The following FMNL2 variants were observed in gnomAD, a reference collection of about 807,000 sequenced individuals.
The protein encoded by FMNL2 is formin like 2, also known as formin-like protein 2.
Under a neutral mutation model 130.2 loss-of-function variants are expected in FMNL2, and 51 were observed. That is an observed-to-expected ratio of 0.39 (90% CI 0.31 to 0.49). The LOEUF (loss-of-function observed/expected upper bound fraction) is 0.49, where lower values mean the gene tolerates loss of function less well. Ranked by LOEUF, FMNL2 falls within the 20% of genes least tolerant of loss-of-function variation. FMNL2 has a pLI of 0.85. For synonymous variants in FMNL2, 465 were observed against 467.1 expected (o/e 1.00, Z 0.06); for missense variants, 977 against 1,316.2 (o/e 0.74, Z 3.99).
At chr2:152,646,750 AG>A (rs1424959917) in intron 25 of FMNL2, among the ~76,000 whole-genome samples, 8 of 152,204 alleles carry the variant, frequency 5.3e-5, no homozygotes, top group East Asian at 1.9e-4. Flanking sequence ...TTCTAGCAGA[AG>A]TCAACAATAC....
intron 2 of FMNL2, 102 bp downstream of exon 2, chr2:152,522,128 T>G: frequency 1.0e-6 from 1 of 960,288 alleles, no homozygotes; most frequent in Non-Finnish European, 1.6e-6. Flanking sequence ...AACAAGATAT[T>G]TGCTTCTGCG....
At chr2:152,369,150 G>A (rs1400945371) in intron 1 of FMNL2, among the ~76,000 whole-genome samples, 4 of 152,222 alleles carry the variant, frequency 2.6e-5, no homozygotes, top group African/African-American at 4.8e-5. Flanking sequence ...TTTAAAGGAA[G>A]AATGTTTGTG....
At chr2:152,453,523 T>G (rs1003537665) in intron 1 of FMNL2, among the ~76,000 whole-genome samples, 1 of 152,194 alleles carries the variant, frequency 6.6e-6, no homozygotes, top group Non-Finnish European at 1.5e-5. Flanking sequence ...CTTCCTCCCC[T>G]GCTGCCCAGC....
intron 1 of FMNL2, chr2:152,390,404 C>T: frequency 9.2e-7 from 1 of 1,084,048 alleles, no homozygotes; most frequent in Non-Finnish European, 1.4e-6. Flanking sequence ...AGTGGTGGAG[C>T]TGCTTGGTGT....
Position 152,648,020 on chromosome 2 carries a change from C to A in FMNL2, c.*115C>A. 1.1e-6 allele frequency: 1 copy of A among 919,000 alleles called. No homozygotes were observed. The highest frequency in any genetic ancestry group is 1.6e-6 in the Non-Finnish European group (1 of 612,144). The allele number at this position is 919,000 out of a possible 1,614,324, so 56.9% of individuals were successfully genotyped here. On this transcript the variant is annotated 3_prime_UTR_variant, in exon 26 of 26. Transcript: ENST00000288670. ...ACACACACAAAAATATTCTTAAGGG[C>A]TCAGATTTAGCAAACACGGAAGAAT...
At chr2:152,338,834 C>T (rs6712716) in intron 1 of FMNL2, among the ~76,000 whole-genome samples, 3 of 150,198 alleles carry the variant, frequency 2.0e-5, no homozygotes, top group Non-Finnish European at 3.0e-5. Flanking sequence ...CACACACACA[C>T]ACACACACAC....
chr2:152,632,682 A>AT (rs544000809), intron 21 of FMNL2, among the ~76,000 whole-genome samples: 3 of 152,258 alleles, frequency 2.0e-5, no homozygotes, highest in Middle Eastern at 3.4e-3. Context: ...GAAAATTGAG[A>AT]TTTTTCGAGG....
At chr2:152,540,411 G>A (rs192229425) in intron 2 of FMNL2, among the ~76,000 whole-genome samples, 4 of 152,168 alleles carry the variant, frequency 2.6e-5, no homozygotes, top group East Asian at 1.9e-4. Flanking sequence ...AATTGCTCTC[G>A]AGATAGAACA....
At chr2:152,425,378 T>G (rs1470127960) in intron 1 of FMNL2, among the ~76,000 whole-genome samples, 1 of 152,226 alleles carries the variant, frequency 6.6e-6, no homozygotes, top group Non-Finnish European at 1.5e-5. Flanking sequence ...TGATTAATCC[T>G]AAATTGGACT....
chr2:152,341,219 C>T (rs1460390727), intron 1 of FMNL2, among the ~76,000 whole-genome samples: 1 of 152,188 alleles, frequency 6.6e-6, no homozygotes, highest in African/African-American at 2.4e-5. Context: ...TGAACCATTA[C>T]AGTTTCACCC....
Position 152,375,850 on chromosome 2 carries a change from GCTCT to G in FMNL2, c.117+40155_117+40158del, listed in dbSNP as rs71394477. On this transcript the variant is annotated intron_variant, in intron 1 of 25. Coordinates refer to ENST00000288670, the MANE Select transcript of FMNL2 (RefSeq NM_052905.4). ...AGTACTATAACATTTAGCCATTGAAGCTCTCTCTCTCTCTCTCTCTCTCTCTCTA... is the reference window on the plus strand; with the variant it reads ...AGTACTATAACATTTAGCCATTGAAGCTCTCTCTCTCTCTCTCTCTCTCTA... 6.6e-3 allele frequency among the ~76,000 whole-genome samples: 659 copies of G among 100,576 alleles called. 6 individuals are homozygous for G. Among genetic ancestry groups the G allele is most frequent in the Non-Finnish European group, 7.9e-3 (418 of 52,976 alleles). The allele number at this position is 100,576 out of a possible 152,430, so 66.0% of individuals were successfully genotyped here.
chr2:152,335,826 T>G, intron 1 of FMNL2, 106 bp downstream of exon 1: 36 of 733,320 alleles, frequency 4.9e-5, no homozygotes, highest in Non-Finnish European at 4.9e-5. Context: ...CGAGCCTCCA[T>G]TCCCGAGGGG....
At chr2:152,605,159 A>G (rs896869253) in intron 9 of FMNL2, among the ~76,000 whole-genome samples, 8 of 151,786 alleles carry the variant, frequency 5.3e-5, no homozygotes, top group Admixed American at 2.6e-4. Flanking sequence ...AACCCCTTAA[A>G]TCTCTGGTTG....
At chr2:152,509,429 A>T (rs1412854922) in intron 1 of FMNL2, among the ~76,000 whole-genome samples, 7 of 151,592 alleles carry the variant, frequency 4.6e-5, no homozygotes, top group Non-Finnish European at 7.4e-5. Flanking sequence ...TAACTGTTAG[A>T]TGTGTATTGT....
At chr2:152,646,506 C>T (rs1219876510) in intron 25 of FMNL2, among the ~76,000 whole-genome samples, 1 of 151,448 alleles carries the variant, frequency 6.6e-6, no homozygotes, top group African/African-American at 2.4e-5. Flanking sequence ...CCAGATCTTC[C>T]AGTTTTTCAA....
chr2:152,413,558 A>G (rs1686438357), intron 1 of FMNL2, among the ~76,000 whole-genome samples: 1 of 152,190 alleles, frequency 6.6e-6, no homozygotes, highest in African/African-American at 2.4e-5. Context: ...TGTGGGTAGG[A>G]CTAGTGGATC....
intron 1 of FMNL2, among the ~76,000 whole-genome samples, chr2:152,414,681 C>G (rs1014365672): frequency 6.6e-6 from 1 of 152,082 alleles, no homozygotes; most frequent in Non-Finnish European, 1.5e-5. Context: ...GCCATTTTAG[C>G]TGGAGAGTTC....
intron 2 of FMNL2, among the ~76,000 whole-genome samples, chr2:152,525,804 G>A (rs1693357020): frequency 6.6e-6 from 1 of 152,128 alleles, no homozygotes; most frequent in Non-Finnish European, 1.5e-5. Context: ...CTCAGCCGGA[G>A]CAGAGTCAGG....
intron 1 of FMNL2, among the ~76,000 whole-genome samples, chr2:152,505,202 T>C (rs1312536863): frequency 6.6e-6 from 1 of 152,138 alleles, no homozygotes; most frequent in Non-Finnish European, 1.5e-5. Flanking sequence ...AGAAAATCTT[T>C]GCACCTTCCA....
Sources: gnomAD v4.1 joint callset for allele counts (sites outside exome capture counted in the v4.1 genomes callset) on GRCh38, gnomAD v4.1.1 for gene constraint, MANE v1.5 for transcripts, NCBI Gene and HGNC (gene_info 2026-07-23, HGNC 2026-07-21) for gene names.